RUVBL1: variants seen among roughly 807,000 people sequenced by gnomAD.
RUVBL1 encodes ruvB-like 1.
Under a neutral mutation model 52.4 loss-of-function variants are expected in RUVBL1, and 4 were observed. That is an observed-to-expected ratio of 0.08 (90% CI 0.04 to 0.17). RUVBL1 has a LOEUF of 0.17. Ranked by LOEUF, RUVBL1 falls within the 10% of genes least tolerant of loss-of-function variation. The pLI is 1.00. For missense variants in RUVBL1, 298 were observed against 572.8 expected (o/e 0.52, Z 4.90); for synonymous variants, 217 against 214.4 (o/e 1.01, Z -0.10).
upstream of RUVBL1, chr3:128,123,984 G>T (rs778118179): frequency 5.5e-6 from 5 of 907,188 alleles, no homozygotes; most frequent in Non-Finnish European, 4.0e-6. Flanking sequence ...GCTTCCTGCC[G>T]AGGCTGGGGT....
At chr3:128,086,648 G>C (rs1292926339) in intron 9 of RUVBL1, among the ~76,000 whole-genome samples, 2 of 152,238 alleles carry the variant, frequency 1.3e-5, no homozygotes, top group African/African-American at 2.4e-5. Context: ...GCACTGCCTG[G>C]CTTTGCATCC....
intron 9 of RUVBL1, chr3:128,069,723 A>G (rs1469573955): frequency 6.9e-7 from 1 of 1,438,902 alleles, no homozygotes; most frequent in Non-Finnish European, 9.7e-7. Context: ...GGGAGCTCTC[A>G]TCATGGCGCG....
chr3:128,079,962 G>A (rs1942425338), downstream of RUVBL1, among the ~76,000 whole-genome samples: 1 of 152,220 alleles, frequency 6.6e-6, no homozygotes, highest in Admixed American at 6.5e-5. Context: ...GCTGGGAACA[G>A]CGTCCGGGTA....
intron 3 of RUVBL1, among the ~76,000 whole-genome samples, chr3:128,112,154 G>A (rs1013581967): frequency 1.3e-5 from 2 of 152,202 alleles, no homozygotes; most frequent in African/African-American, 4.8e-5. Flanking sequence ...TGCCCCAGAA[G>A]TCCTAGCTAG....
At chr3:128,139,755 T>C (rs767567380) in intron 1 of RUVBL1, among the ~76,000 whole-genome samples, 2 of 152,160 alleles carry the variant, frequency 1.3e-5, no homozygotes, top group African/African-American at 2.4e-5. Context: ...TGATGTTAAG[T>C]GTAATAAGCC....
At position 128,067,537 on chromosome 3, in the gene RUVBL1, C is replaced by T. The variant is rs753338747; in HGVS notation, c.940-2317G>A. On this transcript the variant is annotated intron_variant, in intron 9 of 9. Coordinates refer to the RUVBL1 transcript ENST00000464873. This position sits in a 1 kb window ranked among gnomAD's most constrained non-coding sequence, Gnocchi z 4.1. ...AAGACCCGGTCCATGCAGTTGTATA[C>T]ATAGTGTTCATGCTGGGCTCCTGTG... 1 of 1,614,110 alleles carries T rather than the reference C, an allele frequency of 6.2e-7. No individual in the cohort carries two copies. Among genetic ancestry groups the T allele is most frequent in the South Asian group, 1.1e-5 (1 of 91,084 alleles).
intron 6 of RUVBL1, 141 bp downstream of exon 6, chr3:128,100,454 G>A (rs542773267): frequency 1.5e-5 from 14 of 914,518 alleles, no homozygotes; most frequent in East Asian, 1.4e-4. Context: ...AGCTCATGTC[G>A]ATGTTAATTG....
At chr3:128,090,893 C>G (rs1339495423) in intron 8 of RUVBL1, among the ~76,000 whole-genome samples, 1 of 152,068 alleles carries the variant, frequency 6.6e-6, no homozygotes, top group African/African-American at 2.4e-5. Flanking sequence ...CTACACCACC[C>G]ATGATAAATC....
At chr3:128,064,790 C>T (rs184299714) in exon 10 of RUVBL1, 3 of 1,243,286 alleles carry the variant, frequency 2.4e-6, no homozygotes, top group African/African-American at 3.0e-5. Flanking sequence ...AGTTTGTTTT[C>T]CTCTTTTTAT....
intron 3 of RUVBL1, among the ~76,000 whole-genome samples, chr3:128,108,046 G>A (rs1576464056): frequency 6.6e-6 from 1 of 152,204 alleles, no homozygotes; most frequent in African/African-American, 2.4e-5. Context: ...GCCAGGAAAG[G>A]GGCTGAGCTG....
chr3:128,126,893 C>T (rs79370277), upstream of RUVBL1, among the ~76,000 whole-genome samples: 3,461 of 152,276 alleles, frequency 0.023, 399 homozygotes, highest in East Asian at 0.35. Flanking sequence ...TTTGAGTCTG[C>T]GTAGTTTGGG....
intron 2 of RUVBL1, among the ~76,000 whole-genome samples, chr3:128,119,007 C>G (rs1220270608): frequency 1.3e-5 from 2 of 152,140 alleles, no homozygotes; most frequent in Non-Finnish European, 2.9e-5. Flanking sequence ...AGATGTCACT[C>G]AGAAGATCTT....
chr3:128,134,005 T>C (rs1943915652), intron 1 of RUVBL1, among the ~76,000 whole-genome samples: 1 of 152,024 alleles, frequency 6.6e-6, no homozygotes, highest in Non-Finnish European at 1.5e-5. Flanking sequence ...TTCAAGATAA[T>C]GCAGAGAAGG....
At chr3:128,145,566 G>T (rs1439534115) in intron 1 of RUVBL1, among the ~76,000 whole-genome samples, 1 of 152,156 alleles carries the variant, frequency 6.6e-6, no homozygotes, top group Admixed American at 6.5e-5. Flanking sequence ...GGGTGGGGTG[G>T]ATGGGCACGG....
At chr3:128,109,381 CA>C (rs1943323919) in intron 3 of RUVBL1, among the ~76,000 whole-genome samples, 1 of 151,926 alleles carries the variant, frequency 6.6e-6, no homozygotes, top group Non-Finnish European at 1.5e-5. Context: ...CCCATCTCTA[CA>C]AAAACAATTT....
upstream of RUVBL1, chr3:128,123,886 C>T (rs1943722212): frequency 1.6e-6 from 2 of 1,287,816 alleles, no homozygotes; most frequent in South Asian, 2.4e-5. Context: ...TCTCCATAGG[C>T]TCACGGCTGC....
intron 1 of RUVBL1, among the ~76,000 whole-genome samples, chr3:128,148,749 T>C (rs73192977): frequency 6.6e-6 from 1 of 152,088 alleles, no homozygotes; most frequent in Non-Finnish European, 1.5e-5. Context: ...CACATATATA[T>C]AGAGAGTGCA....
At chr3:128,141,237 G>A (rs56175090) in intron 1 of RUVBL1, among the ~76,000 whole-genome samples, 24,162 of 152,200 alleles carry the variant, frequency 0.16, 2,349 homozygotes, top group African/African-American at 0.27. Flanking sequence ...ACCAAGGTTC[G>A]TCTGGGAACA....
At chr3:128,100,921 G>A (rs781158562) in intron 5 of RUVBL1, among the ~76,000 whole-genome samples, 177 bp from the exon 6 acceptor site, 6 of 152,166 alleles carry the variant, frequency 3.9e-5, no homozygotes, top group South Asian at 4.1e-4. Context: ...TCTGCTCATC[G>A]CTGGGCTCCA....
Sources: allele counts gnomAD v4.1 joint callset (sites outside exome capture counted in the v4.1 genomes callset), GRCh38; gene constraint gnomAD v4.1.1; non-coding constraint Gnocchi (gnomAD v3.1); transcripts MANE v1.5; gene names NCBI Gene and HGNC (gene_info 2026-07-23, HGNC 2026-07-21).